The following MIR2052HG variants were observed in gnomAD, a reference collection of about 807,000 sequenced individuals.
MIR2052HG encodes MIR2052 host gene.
At chr8:74,609,308 AT>A (rs1323020169) in intron 1 of MIR2052HG, among the ~76,000 whole-genome samples, 2 of 151,994 alleles carry the variant, frequency 1.3e-5, no homozygotes, top group East Asian at 3.8e-4. Context: ...GTAGTTAAAA[AT>A]TTTTTACACA....
chr8:74,668,637 A>G (rs1808957822), intron 2 of MIR2052HG, among the ~76,000 whole-genome samples: 2 of 152,242 alleles, frequency 1.3e-5, no homozygotes, highest in Admixed American at 1.3e-4. Context: ...GTGATGTGCC[A>G]CTCAGATCCT....
chr8:74,654,587 AT>A (rs1483543029), intron 2 of MIR2052HG, among the ~76,000 whole-genome samples: 1 of 151,752 alleles, frequency 6.6e-6, no homozygotes, highest in African/African-American at 2.4e-5. Context: ...CTTCTTGCTC[AT>A]TTTCTCTTGC....
At chr8:74,618,976 C>T (rs904863106) in intron 2 of MIR2052HG, among the ~76,000 whole-genome samples, 10 of 152,062 alleles carry the variant, frequency 6.6e-5, no homozygotes, top group African/African-American at 2.2e-4. Flanking sequence ...ATACAAAAAT[C>T]AATAACATTT....
intron 2 of MIR2052HG, among the ~76,000 whole-genome samples, chr8:74,644,262 G>T (rs1314724363): frequency 6.6e-6 from 1 of 152,140 alleles, no homozygotes; most frequent in African/African-American, 2.4e-5. Context: ...CGCGACAGTG[G>T]TCCTGTAAGA....
At chr8:74,620,239 T>C (rs1006409377) in intron 2 of MIR2052HG, among the ~76,000 whole-genome samples, 1 of 152,240 alleles carries the variant, frequency 6.6e-6, no homozygotes, top group Non-Finnish European at 1.5e-5. Flanking sequence ...CCTGGCTGCT[T>C]TCACTGCTGG....
rs891328720 is a variant in MIR2052HG at position 74,604,001 on chromosome 8, C to T, written n.128+4093C>T. On this transcript the variant is annotated intron_variant and non_coding_transcript_variant, in intron 1 of 6. Coordinates refer to ENST00000523442, the Ensembl canonical transcript of MIR2052HG. ...CTACTGGTCATAGAGCTGCTTATGT[C>T]CTCTTCCAGTTTGTCAATGATCATA... The T allele has an allele frequency of 2.6e-5, 26 of 981,870 alleles. No individual in the cohort carries two copies. The Middle Eastern group carries it at 6.2e-4, about 23-fold the overall frequency. The allele number at this position is 981,870 out of a possible 1,614,324, so 60.8% of individuals were successfully genotyped here. A position where few individuals can be genotyped will look rare whatever the true frequency, so the allele number is the denominator to read the frequency against.
intron 2 of MIR2052HG, among the ~76,000 whole-genome samples, chr8:74,664,269 T>C (rs923900155): frequency 2.6e-5 from 4 of 151,910 alleles, no homozygotes; most frequent in East Asian, 3.9e-4. Context: ...CCAAAAGGGA[T>C]TGAAATTTAA....
At chr8:74,728,499 C>T (rs182302320) in intron 4 of MIR2052HG, among the ~76,000 whole-genome samples, 1 of 152,244 alleles carries the variant, frequency 6.6e-6, no homozygotes, top group East Asian at 1.9e-4. Context: ...AATTGATATA[C>T]AATGGTGCAC....
intron 2 of MIR2052HG, among the ~76,000 whole-genome samples, chr8:74,683,790 T>A (rs1809150925): frequency 6.6e-6 from 1 of 152,150 alleles, no homozygotes; most frequent in South Asian, 2.1e-4. Flanking sequence ...GTGGCTGGTA[T>A]AAGCTATTTC....
intron 4 of MIR2052HG, among the ~76,000 whole-genome samples, chr8:74,705,985 G>A (rs973121260): frequency 6.6e-5 from 10 of 152,050 alleles, no homozygotes; most frequent in Non-Finnish European, 1.3e-4. Context: ...TCTAAAAGAC[G>A]ACACATCAAG....
At chr8:74,748,677 C>T (rs1809912132) in intron 4 of MIR2052HG, among the ~76,000 whole-genome samples, 1 of 152,168 alleles carries the variant, frequency 6.6e-6, no homozygotes, top group Non-Finnish European at 1.5e-5. Context: ...AATCAGTAAC[C>T]TGCAGACTGC....
chr8:74,620,436 G>T (rs1055928851), intron 2 of MIR2052HG, among the ~76,000 whole-genome samples: 2 of 152,160 alleles, frequency 1.3e-5, no homozygotes, highest in Admixed American at 6.5e-5. Context: ...TCTCCATGAG[G>T]GCTCTGCCCC....
intron 2 of MIR2052HG, among the ~76,000 whole-genome samples, chr8:74,643,495 G>T (rs1808661317): frequency 6.6e-6 from 1 of 152,130 alleles, no homozygotes; most frequent in Non-Finnish European, 1.5e-5. Flanking sequence ...TCGTTCTCGT[G>T]GTTTTACCTT....
At chr8:74,716,307 T>C (rs555657664) in intron 4 of MIR2052HG, among the ~76,000 whole-genome samples, 4 of 152,302 alleles carry the variant, frequency 2.6e-5, no homozygotes, top group Admixed American at 2.0e-4. Context: ...CCCTTGCATC[T>C]GCTACAATTG....
At chr8:74,719,869 G>A (rs1809558077) in intron 4 of MIR2052HG, among the ~76,000 whole-genome samples, 2 of 57,088 alleles carry the variant, frequency 3.5e-5, no homozygotes, top group African/African-American at 1.1e-4. Flanking sequence ...TTTTTTTTGA[G>A]AGGGAGTCTT....
At chr8:74,745,787 G>T (rs991174257) in intron 4 of MIR2052HG, among the ~76,000 whole-genome samples, 1 of 152,238 alleles carries the variant, frequency 6.6e-6, no homozygotes, top group Admixed American at 6.6e-5. Context: ...GCAAACATCC[G>T]TGGGTACAGA....
chr8:74,689,713 G>A (rs1809219773), intron 2 of MIR2052HG, among the ~76,000 whole-genome samples: 1 of 152,182 alleles, frequency 6.6e-6, no homozygotes, highest in African/African-American at 2.4e-5. Flanking sequence ...CTGAATATCA[G>A]TAGCTTTCCA....
chr8:74,662,230 T>A (rs1808872891), intron 2 of MIR2052HG, among the ~76,000 whole-genome samples: 1 of 152,202 alleles, frequency 6.6e-6, no homozygotes, highest in African/African-American at 2.4e-5. Context: ...ATAGACATTT[T>A]CTCTCCCACA....
At chr8:74,682,346 A>T (rs916344566) in intron 2 of MIR2052HG, among the ~76,000 whole-genome samples, 5 of 152,142 alleles carry the variant, frequency 3.3e-5, no homozygotes, top group Non-Finnish European at 5.9e-5. Context: ...TGACATCACA[A>T]AGACTAAAAC....
Sources: allele counts gnomAD v4.1 joint callset (sites outside exome capture counted in the v4.1 genomes callset), GRCh38; gene constraint gnomAD v4.1.1; transcripts MANE v1.5; gene names NCBI Gene and HGNC (gene_info 2026-07-23, HGNC 2026-07-21).